The following GRK4 variants were observed in gnomAD, a reference collection of about 807,000 sequenced individuals.
The protein encoded by GRK4 is G protein-coupled receptor kinase 2-like.
GRK4 carries 73 observed loss-of-function variants against 77.9 expected under a neutral mutation model. The ratio of observed to expected loss-of-function variants is 0.94; its 90% CI spans 0.78 to 1.14. GRK4 has a LOEUF of 1.14. Ranked by LOEUF, GRK4 falls within the 50% of genes most tolerant of loss-of-function variation. The probability of loss-of-function intolerance (pLI) is 0.00; values close to 1 mark genes in which losing one functional copy is unlikely to be tolerated. For missense variants in GRK4, 729 were observed against 700.2 expected, an observed-to-expected ratio of 1.04 and a Z score of -0.46; for synonymous variants, 257 against 254.4, an observed-to-expected ratio of 1.01 and a Z score of -0.10.
At chr4:3,002,535 T>C (rs890649472) in intron 4 of GRK4, among the ~76,000 whole-genome samples, 1 of 152,128 alleles carries the variant, frequency 6.6e-6, no homozygotes, top group African/African-American at 2.4e-5. Flanking sequence ...AAAGGATCTC[T>C]TGAGGTCAGG....
At chr4:3,004,360 A>G (rs1730690860) in intron 5 of GRK4, 26 bp downstream of exon 5, 9 of 1,427,986 alleles carry the variant, frequency 6.3e-6, no homozygotes, top group Non-Finnish European at 8.9e-6. Flanking sequence ...TGAGCCCTGC[A>G]TATATTATCT....
At chr4:2,973,342 A>G (rs1720138057) in intron 1 of GRK4, among the ~76,000 whole-genome samples, 1 of 152,012 alleles carries the variant, frequency 6.6e-6, no homozygotes, top group Non-Finnish European at 1.5e-5. Context: ...TTCTCTATCC[A>G]CACTCATTCC....
At chr4:3,011,541 G>A (rs767728979) in intron 7 of GRK4, among the ~76,000 whole-genome samples, 1 of 152,176 alleles carries the variant, frequency 6.6e-6, no homozygotes, top group Non-Finnish European at 1.5e-5. Flanking sequence ...TTGGCTGCAC[G>A]AATAAAGCAT....
chr4:3,025,143 T>C (rs1737091203), intron 10 of GRK4, among the ~76,000 whole-genome samples: 1 of 151,218 alleles, frequency 6.6e-6, no homozygotes, highest in East Asian at 2.0e-4. Context: ...TGGTAATACA[T>C]GCCTGTAGTC....
At chr4:3,001,227 A>C (rs542071647) in intron 4 of GRK4, among the ~76,000 whole-genome samples, 1 of 140,774 alleles carries the variant, frequency 7.1e-6, no homozygotes, top group South Asian at 2.2e-4. Flanking sequence ...ATATGTATAT[A>C]TGTGTATGTG....
At chr4:2,965,511 C>G (rs1260161523) in intron 1 of GRK4, 6 of 698,886 alleles carry the variant, frequency 8.6e-6, no homozygotes, top group Non-Finnish European at 1.6e-5. Flanking sequence ...AGTGTAAATG[C>G]CGACTGAAGA....
intron 1 of GRK4, chr4:2,965,821 G>A (rs1427914454): frequency 2.7e-5 from 7 of 258,322 alleles, no homozygotes; most frequent in African/African-American, 8.8e-5. Flanking sequence ...AGCAGTATGC[G>A]TTCTCAGCAG....
chr4:2,997,423 C>A (rs375000284), intron 4 of GRK4, among the ~76,000 whole-genome samples: 1 of 152,184 alleles, frequency 6.6e-6, no homozygotes, highest in South Asian at 2.1e-4. Flanking sequence ...GAAATTAGTC[C>A]CTTCATGAAA....
chr4:2,971,206 C>T (rs950703384), intron 1 of GRK4: 1 of 152,176 alleles, frequency 6.6e-6, no homozygotes, highest in Non-Finnish European at 1.5e-5. Context: ...TAACAATATT[C>T]AGTCTCCAGT....
intron 9 of GRK4, 115 bp downstream of exon 9, chr4:3,019,946 G>A: frequency 1.1e-6 from 1 of 934,246 alleles, no homozygotes; most frequent in Non-Finnish European, 1.6e-6. Flanking sequence ...ATAGCTGGGA[G>A]GCCCTCGATG....
chr4:2,978,612 G>T (rs1721889196), intron 1 of GRK4, among the ~76,000 whole-genome samples: 1 of 152,146 alleles, frequency 6.6e-6, no homozygotes, highest in Non-Finnish European at 1.5e-5. Flanking sequence ...GGGGGCAGGT[G>T]TTCTTTCAAG....
rs746331314 is a variant in GRK4 at position 2,964,011 on chromosome 4, G to C, written c.-60G>C. On this transcript the variant is annotated 5_prime_UTR_variant, in exon 1 of 16. Transcript: ENST00000398052. The stretch of plus-strand genomic sequence containing the variant: ...CACGGGGGCGGCGGCGTCTCCTCCT[G>C]TTCCGCCTCCTCAGTCTCCTCGGTC... The C allele has an allele frequency of 6.6e-7, 1 of 1,523,924 alleles. No homozygotes were observed. The highest frequency in any genetic ancestry group is 1.2e-5 in the South Asian group (1 of 86,202). 94.4% of individuals were successfully genotyped at this position (1,523,924 alleles called of 1,614,324 possible).
At chr4:3,035,323 G>A in intron 12 of GRK4, 63 bp from the exon 13 acceptor site, 1 of 1,520,734 alleles carries the variant, frequency 6.6e-7, no homozygotes. Flanking sequence ...TATTATGCAG[G>A]GGAGTTTTGA....
intron 1 of GRK4, among the ~76,000 whole-genome samples, chr4:2,970,378 G>C (rs1328303830): frequency 1.3e-5 from 2 of 152,042 alleles, no homozygotes; most frequent in African/African-American, 4.8e-5. Flanking sequence ...TAATATTCTT[G>C]GCCAGGCACG....
chr4:2,992,938 C>T (rs1456454147), intron 4 of GRK4, among the ~76,000 whole-genome samples: 2 of 152,274 alleles, frequency 1.3e-5, no homozygotes, highest in African/African-American at 4.8e-5. Context: ...GAGCTGGGAT[C>T]ATACTGCTAT....
At chr4:2,972,542 T>TTC (rs149550794) in intron 1 of GRK4, among the ~76,000 whole-genome samples, 74 of 150,354 alleles carry the variant, frequency 4.9e-4, no homozygotes, top group African/African-American at 1.7e-3. Context: ...GGGCCCTTTC[T>TTC]TCTCTCTCTC....
At chr4:2,973,125 A>G (rs908391039) in intron 1 of GRK4, among the ~76,000 whole-genome samples, 4 of 152,238 alleles carry the variant, frequency 2.6e-5, no homozygotes, top group African/African-American at 9.6e-5. Flanking sequence ...CACCCTTGCC[A>G]CATCCCAGGC....
At chr4:2,992,104 T>C (rs2109678040) in intron 3 of GRK4, 111 bp from the exon 4 acceptor site, 2 of 658,754 alleles carry the variant, frequency 3.0e-6, no homozygotes, top group Non-Finnish European at 5.4e-6. Flanking sequence ...CCTCGAACTC[T>C]TGAGCTCAAG....
At chr4:3,032,053 T>G (rs1739325339) in intron 12 of GRK4, among the ~76,000 whole-genome samples, 1 of 152,076 alleles carries the variant, frequency 6.6e-6, no homozygotes, top group Admixed American at 6.5e-5. Flanking sequence ...GAGCTGACTG[T>G]TAAATAATGG....
Sources: allele counts gnomAD v4.1 joint callset (sites outside exome capture counted in the v4.1 genomes callset), GRCh38; gene constraint gnomAD v4.1.1; transcripts MANE v1.5; gene names NCBI Gene and HGNC (gene_info 2026-07-23, HGNC 2026-07-21).